Variants in TUSC3 observed in about 807,000 individuals in gnomAD.
TUSC3 encodes tumor suppressor candidate 3, also known as dolichyl-diphosphooligosaccharide--protein glycosyltransferase subunit TUSC3.
TUSC3 carries 45 observed loss-of-function variants against 44.8 expected under a neutral mutation model. The observed-to-expected ratio is 1.00, with a 90% CI of 0.79 to 1.29. TUSC3 has a LOEUF of 1.29. Among genes scored for constraint, TUSC3 ranks in the 50% most tolerant of loss-of-function variants. The pLI is 0.00. For missense variants in TUSC3, 519 were observed against 437.9 expected, an observed-to-expected ratio of 1.19 and a Z score of -1.65; for synonymous variants, 212 against 152.9, an observed-to-expected ratio of 1.39 and a Z score of -2.85.
downstream of TUSC3, among the ~76,000 whole-genome samples, chr8:15,771,161 T>A (rs1812433951): frequency 6.6e-6 from 1 of 152,158 alleles, no homozygotes; most frequent in African/African-American, 2.4e-5. Flanking sequence ...GTTATCCTTT[T>A]AAAATGAAGG....
At chr8:15,453,815 T>C (rs1172565482) in intron 1 of TUSC3, among the ~76,000 whole-genome samples, 2 of 152,130 alleles carry the variant, frequency 1.3e-5, no homozygotes, top group Admixed American at 6.5e-5. Context: ...GGTGGTGTCA[T>C]GTGGTTAACT....
At chr8:15,667,016 C>T (rs1435086767) in intron 5 of TUSC3, among the ~76,000 whole-genome samples, 1 of 151,478 alleles carries the variant, frequency 6.6e-6, no homozygotes, top group African/African-American at 2.4e-5. Context: ...TAGATTTTAG[C>T]ATTTGAATGT....
At chr8:15,442,508 C>G (rs557869418) in intron 1 of TUSC3, among the ~76,000 whole-genome samples, 2 of 152,064 alleles carry the variant, frequency 1.3e-5, no homozygotes, top group African/African-American at 4.8e-5. Context: ...TTAGCTGTTC[C>G]CAGTGGATTG....
At chr8:15,696,610 G>T (rs569791263) in intron 6 of TUSC3, among the ~76,000 whole-genome samples, 11 of 152,256 alleles carry the variant, frequency 7.2e-5, no homozygotes, top group African/African-American at 2.4e-4. Context: ...TGTGTGCCTG[G>T]ATCCCTGCAT....
Position 15,540,388 on chromosome 8 carries a change from C to T in TUSC3, c.-43C>T, listed in dbSNP as rs1172726041. 2 of 1,513,736 alleles carry T rather than the reference C, an allele frequency of 1.3e-6. No individual in the cohort carries two copies. The highest frequency in any genetic ancestry group is 1.4e-5 in the African/African-American group (1 of 69,802). The allele number at this position is 1,513,736 out of a possible 1,614,324, so 93.8% of individuals were successfully genotyped here. On this transcript the variant is annotated 5_prime_UTR_variant, in exon 1 of 11. Coordinates refer to ENST00000503731, the MANE Select transcript of TUSC3 (RefSeq NM_006765.4). Reference sequence around the variant, plus strand: ...GGCGTGGTGCGCGGTAGGAGCTGGGCGCGCACGGCTACCGCGCGTGGAGGA... The same window carrying T: ...GGCGTGGTGCGCGGTAGGAGCTGGGTGCGCACGGCTACCGCGCGTGGAGGA...
intron 2 of TUSC3, among the ~76,000 whole-genome samples, chr8:15,508,980 T>C (rs911697094): frequency 6.6e-6 from 1 of 152,158 alleles, no homozygotes; most frequent in Non-Finnish European, 1.5e-5. Flanking sequence ...GTTCCAGAAG[T>C]TGCGCCTGGT....
intron 6 of TUSC3, among the ~76,000 whole-genome samples, chr8:15,714,979 T>C (rs917355947): frequency 6.6e-6 from 1 of 152,192 alleles, no homozygotes; most frequent in Non-Finnish European, 1.5e-5. Flanking sequence ...CAGCATGAAA[T>C]TGCATATTAT....
intron 9 of TUSC3, among the ~76,000 whole-genome samples, chr8:15,750,438 A>T (rs980361013): frequency 1.3e-5 from 2 of 152,138 alleles, no homozygotes; most frequent in African/African-American, 2.4e-5. Context: ...GTGGAGAAAA[A>T]AATATTTTAC....
chr8:15,768,633 G>A (rs1270246675), downstream of TUSC3, among the ~76,000 whole-genome samples: 1 of 152,114 alleles, frequency 6.6e-6, no homozygotes, highest in Admixed American at 6.6e-5. Context: ...AAAAAGGATA[G>A]GAACAGAGGA....
chr8:15,833,803 A>G, the TUSC3 span, among the ~76,000 whole-genome samples: 2 of 151,892 alleles, frequency 1.3e-5, no homozygotes, highest in African/African-American at 4.8e-5. Flanking sequence ...AAGTTTACCT[A>G]TATAACAAAC....
At chr8:15,702,809 C>CT (rs1446259469) in intron 6 of TUSC3, among the ~76,000 whole-genome samples, 5 of 152,058 alleles carry the variant, frequency 3.3e-5, no homozygotes, top group African/African-American at 4.8e-5. Flanking sequence ...AAAAATACAA[C>CT]TAACTTCTCT....
At chr8:15,704,244 C>T (rs1585248795) in intron 6 of TUSC3, among the ~76,000 whole-genome samples, 1 of 135,152 alleles carries the variant, frequency 7.4e-6, no homozygotes, top group Non-Finnish European at 1.5e-5. Context: ...AAAATGGAAA[C>T]ATTCTTAATG....
the TUSC3 span, among the ~76,000 whole-genome samples, chr8:15,808,225 T>A: frequency 6.6e-6 from 1 of 152,144 alleles, no homozygotes; most frequent in East Asian, 1.9e-4. Flanking sequence ...TATAATGTGT[T>A]CCTTAAGAAA....
chr8:15,534,471 G>A (rs1471657042), intron 2 of TUSC3, among the ~76,000 whole-genome samples: 1 of 151,912 alleles, frequency 6.6e-6, no homozygotes, highest in African/African-American at 2.4e-5. Flanking sequence ...GTGAAACCCC[G>A]TCTGTACTAA....
At chr8:15,707,409 T>C (rs1387438465) in intron 6 of TUSC3, among the ~76,000 whole-genome samples, 2 of 151,992 alleles carry the variant, frequency 1.3e-5, no homozygotes, top group African/African-American at 2.4e-5. Flanking sequence ...TTGTGCCCTA[T>C]GTTTTTTAAA....
At chr8:15,611,153 C>T (rs1804743650) in intron 1 of TUSC3, among the ~76,000 whole-genome samples, 1 of 152,044 alleles carries the variant, frequency 6.6e-6, no homozygotes, top group African/African-American at 2.4e-5. Context: ...TTATAGTGTT[C>T]TGTATCAAAT....
At chr8:15,512,870 G>GTATA (rs371387088) in intron 2 of TUSC3, among the ~76,000 whole-genome samples, 21,069 of 100,776 alleles carry the variant, frequency 0.21, 2,118 homozygotes, top group South Asian at 0.36. Context: ...ATATATGTGT[G>GTATA]TGTATATATA....
chr8:15,486,005 G>T (rs1022668044), intron 2 of TUSC3, among the ~76,000 whole-genome samples: 2 of 152,060 alleles, frequency 1.3e-5, no homozygotes, highest in Non-Finnish European at 2.9e-5. Context: ...TGTTGGGCAG[G>T]CTGGTCTCAA....
intron 2 of TUSC3, among the ~76,000 whole-genome samples, chr8:15,648,673 C>G (rs1319105383): frequency 7.5e-6 from 1 of 132,980 alleles, no homozygotes; most frequent in Non-Finnish European, 1.5e-5. Flanking sequence ...TTGCAGTGAG[C>G]CGAGATCGCG....
Sources: allele counts gnomAD v4.1 joint callset (sites outside exome capture counted in the v4.1 genomes callset), GRCh38; gene constraint gnomAD v4.1.1; transcripts MANE v1.5; gene names NCBI Gene and HGNC (gene_info 2026-07-23, HGNC 2026-07-21).